Variants in AEBP2 observed in about 807,000 individuals in gnomAD.
AEBP2 encodes the protein AE binding protein 2.
In AEBP2, 10 loss-of-function variants were observed where a neutral mutation model predicts 50.8. That is an observed-to-expected ratio of 0.20 (90% CI 0.12 to 0.33). The LOEUF (loss-of-function observed/expected upper bound fraction) is 0.33. Ranked by LOEUF, AEBP2 falls within the 10% of genes least tolerant of loss-of-function variation. AEBP2 has a pLI of 1.00. For synonymous variants in AEBP2, 296 were observed against 261.3 expected, an observed-to-expected ratio of 1.13 and a Z score of -1.28; for missense variants, 570 against 688.0, an observed-to-expected ratio of 0.83 and a Z score of 1.92.
At chr12:19,476,933 A>C (rs1565722006) in intron 3 of AEBP2, among the ~76,000 whole-genome samples, 1 of 152,096 alleles carries the variant, frequency 6.6e-6, no homozygotes, top group Non-Finnish European at 1.5e-5. Context: ...TATTAATTCT[A>C]CCCATCCATG....
Position 19,462,753 on chromosome 12 carries a change from T to C in AEBP2, c.879+36T>C. 3 of 1,543,528 alleles carry C rather than the reference T, an allele frequency of 1.9e-6. No individual in the cohort carries two copies. The East Asian group carries it at 6.8e-5, about 35-fold the overall frequency. ...TCATTTCTTTTTTTCGCTCCCTGTT[T>C]TCGTTAGTTTTATTAATTTATAATT... is the stretch of plus-strand genomic sequence containing the variant. On this transcript the variant is annotated intron_variant, in intron 2 of 7. Coordinates refer to ENST00000266508, the MANE Select transcript of AEBP2 (RefSeq NM_153207.5).
intron 7 of AEBP2, among the ~76,000 whole-genome samples, chr12:19,515,920 T>C (rs1024187035): frequency 1.3e-5 from 2 of 152,052 alleles, no homozygotes; most frequent in African/African-American, 4.8e-5. Context: ...GGCAACATAG[T>C]GAGACCCTGT....
intron 2 of AEBP2, among the ~76,000 whole-genome samples, chr12:19,471,161 G>C (rs113557011): frequency 0.014 from 2,093 of 152,162 alleles, 40 homozygotes; most frequent in African/African-American, 0.048. Flanking sequence ...TACTGCCCAG[G>C]CTGGAGTGCA....
intron 1 of AEBP2, among the ~76,000 whole-genome samples, chr12:19,424,133 G>A (rs1001160268): frequency 3.3e-5 from 5 of 152,102 alleles, no homozygotes; most frequent in Admixed American, 3.3e-4. Context: ...TACTTAAAAA[G>A]CAAGGAGATC....
intron 1 of AEBP2, among the ~76,000 whole-genome samples, chr12:19,432,961 C>A (rs1308450775): frequency 6.6e-6 from 1 of 152,058 alleles, no homozygotes; most frequent in Admixed American, 6.6e-5. Flanking sequence ...GACTCCTAAT[C>A]AAATAGCCCT....
At chr12:19,496,459 T>C (rs769383640) in intron 4 of AEBP2, among the ~76,000 whole-genome samples, 1 of 152,172 alleles carries the variant, frequency 6.6e-6, no homozygotes, top group Non-Finnish European at 1.5e-5. Flanking sequence ...GACAGTGCTG[T>C]GATTTGAATT....
chr12:19,440,514 C>CT, intron 1 of AEBP2, 144 bp downstream of exon 1: 2 of 1,394,418 alleles, frequency 1.4e-6, no homozygotes, highest in Non-Finnish European at 1.9e-6. Flanking sequence ...TCGGAAATCT[C>CT]TCGCCGTCGC....
At chr12:19,446,432 C>T (rs1420506325) in intron 1 of AEBP2, among the ~76,000 whole-genome samples, 1 of 152,028 alleles carries the variant, frequency 6.6e-6, no homozygotes, top group African/African-American at 2.4e-5. Flanking sequence ...GACAGTGTAA[C>T]AAGATCCCAT....
At chr12:19,459,652 T>C (rs1249221684) in intron 1 of AEBP2, among the ~76,000 whole-genome samples, 1 of 152,224 alleles carries the variant, frequency 6.6e-6, no homozygotes, top group Non-Finnish European at 1.5e-5. Flanking sequence ...ATTCAAGAGC[T>C]GATTCACATT....
At chr12:19,453,479 G>T (rs1948204392) in intron 1 of AEBP2, among the ~76,000 whole-genome samples, 1 of 150,664 alleles carries the variant, frequency 6.6e-6, no homozygotes, top group South Asian at 2.1e-4. Flanking sequence ...GAGTGCAGTG[G>T]CTCGATTGAG....
intron 1 of AEBP2, among the ~76,000 whole-genome samples, chr12:19,420,277 C>T (rs906327908): frequency 1.3e-5 from 2 of 150,862 alleles, no homozygotes; most frequent in African/African-American, 4.9e-5. Context: ...GATCCACCCA[C>T]CTTGGCCTCC....
chr12:19,433,837 TTTTA>T lies in AEBP2; in HGVS notation c.-16-28661_-16-28658del, dbSNP rs528662453. ...AAAGTATAAACTCTAGTTTTTAAAT[TTTTA>T]TTTATTTATTTGTTTGTTTATTTGA... On this transcript the variant is annotated intron_variant, in intron 1 of 3. Coordinates refer to the AEBP2 transcript ENST00000538425. 1.3e-3 allele frequency among the ~76,000 whole-genome samples: 201 copies of T among 152,128 alleles called. No homozygotes were observed. In the South Asian group the frequency reaches 0.017, roughly 13 times the overall value.
intron 5 of AEBP2, among the ~76,000 whole-genome samples, chr12:19,505,438 C>A (rs1364014405): frequency 6.6e-6 from 1 of 152,126 alleles, no homozygotes; most frequent in Non-Finnish European, 1.5e-5. Context: ...ACAAAAAATA[C>A]CATGCAGCTA....
At chr12:19,409,418 A>C (rs191594291) in intron 1 of AEBP2, among the ~76,000 whole-genome samples, 1 of 152,304 alleles carries the variant, frequency 6.6e-6, no homozygotes, top group Admixed American at 6.5e-5. Flanking sequence ...AGAGAGAATG[A>C]ATATCTTGTC....
At chr12:19,462,454 C>A in intron 1 of AEBP2, 56 bp from the exon 2 acceptor site, 2 of 1,358,068 alleles carry the variant, frequency 1.5e-6, no homozygotes, top group East Asian at 2.5e-5. Context: ...TTTATAAGAT[C>A]ATATTCATGT....
At chr12:19,471,592 C>T (rs912727852) in intron 2 of AEBP2, among the ~76,000 whole-genome samples, 2 of 152,062 alleles carry the variant, frequency 1.3e-5, no homozygotes, top group African/African-American at 4.8e-5. Flanking sequence ...GCCTCCATCT[C>T]TTGGACTTAA....
intron 1 of AEBP2, among the ~76,000 whole-genome samples, chr12:19,448,059 C>A (rs763564727): frequency 6.6e-5 from 10 of 152,042 alleles, no homozygotes; most frequent in Non-Finnish European, 1.0e-4. Context: ...CACCATATTT[C>A]TTTTTAAAAC....
intron 2 of AEBP2, among the ~76,000 whole-genome samples, chr12:19,467,575 T>G (rs1592742555): frequency 6.6e-6 from 1 of 152,324 alleles, no homozygotes; most frequent in East Asian, 1.9e-4. Context: ...ATTACAGGCC[T>G]GAGCCACCGT....
rs1021184871 is a variant in AEBP2 at position 19,456,445 on chromosome 12, C to T, written c.672-6065C>T. ...ACCATATCAACGTTGGCAGCATCAC[C>T]AGAGTTCAAGAAGTTAGGGCCATCT... On this transcript the variant is annotated intron_variant, in intron 1 of 7. Transcript: ENST00000266508. The T allele has an allele frequency of 1.8e-5, 25 of 1,428,544 alleles. No individual in the cohort carries two copies. In the Admixed American group the frequency reaches 3.5e-4, roughly 20 times the overall value. 88.5% of individuals were successfully genotyped at this position (1,428,544 alleles called of 1,614,324 possible).
Sources: allele counts gnomAD v4.1 joint callset (sites outside exome capture counted in the v4.1 genomes callset), GRCh38; gene constraint gnomAD v4.1.1; transcripts MANE v1.5; gene names NCBI Gene and HGNC (gene_info 2026-07-23, HGNC 2026-07-21).